MAML2: variants seen among roughly 807,000 people sequenced by gnomAD.
MAML2 encodes the protein mastermind-like protein 2.
Under a neutral mutation model 96.1 loss-of-function variants are expected in MAML2, and 22 were observed. The observed-to-expected ratio is 0.23, with a 90% CI of 0.16 to 0.33. The LOEUF (loss-of-function observed/expected upper bound fraction) is 0.33, where lower values mean the gene tolerates loss of function less well. Among genes scored for constraint, MAML2 ranks in the 10% least tolerant of loss-of-function variants. MAML2 has a pLI of 1.00. For missense variants in MAML2, 1,367 were observed against 1,392.4 expected, an observed-to-expected ratio of 0.98 and a Z score of 0.29; for synonymous variants, 561 against 521.3, an observed-to-expected ratio of 1.08 and a Z score of -1.04.
In MAML2 at chr11:96,342,265, A is replaced by G. The variant is rs1330494109; in HGVS notation, c.-370T>C. ...AACACACGATCTGGGGGTTAGATCA[A>G]GAATTCAGGGATTGTCCAGCAAGAG... On this transcript the variant is annotated 5_prime_UTR_variant, in exon 1 of 5. Coordinates refer to ENST00000524717, the MANE Select transcript of MAML2 (RefSeq NM_032427.4). The G allele has an allele frequency of 2.3e-6, 1 of 436,282 alleles. No homozygotes were observed. The highest frequency in any genetic ancestry group is 3.3e-5 in the East Asian group (1 of 30,658). The allele number at this position is 436,282 out of a possible 1,614,324, so 27.0% of individuals were successfully genotyped here.
chr11:96,092,219 CTGCTGCT>C lies in MAML2; in HGVS notation c.1805_1811del (p.Gln602ArgfsTer77), dbSNP rs1859729357. 1.6e-4 allele frequency: 8 copies of C among 51,132 alleles called. No individual in the cohort carries two copies. The African/African-American group carries it at 1.6e-3, about 10-fold the overall frequency. The allele number at this position is 51,132 out of a possible 1,614,324, so 3.2% of individuals were successfully genotyped here. A position where few individuals can be genotyped will look rare whatever the true frequency, so the allele number is the denominator to read the frequency against. On this transcript the variant is annotated frameshift_variant, in exon 2 of 5. Coordinates refer to ENST00000524717, the MANE Select transcript of MAML2 (RefSeq NM_032427.4). LOFTEE classifies it high-confidence loss of function. The surrounding 1 kb of genome is among the most constrained non-coding windows in gnomAD (Gnocchi z 4.1). ...GCTGCTGCTGCTGCTGTTGCTGCTG[CTGCTGCT>C]GCTGCTGCTGCTGCTGCTGCTGCTG...
At chr11:96,103,920 A>G (rs1939471) in intron 1 of MAML2, among the ~76,000 whole-genome samples, 55,336 of 152,036 alleles carry the variant, frequency 0.36, 11,191 homozygotes, top group East Asian at 0.76. Flanking sequence ...TTTCCGTTTC[A>G]GATGCAGGCC....
chr11:96,077,119 C>T (rs1408606406), intron 2 of MAML2, among the ~76,000 whole-genome samples: 1 of 151,122 alleles, frequency 6.6e-6, no homozygotes, highest in Non-Finnish European at 1.5e-5. Flanking sequence ...TATCTTTATA[C>T]AGCAGAAGAG....
Position 96,341,739 on chromosome 11 carries a change from T to A in MAML2, c.157A>T (p.Ser53Cys). Residue 53 changes from serine to cysteine, a missense_variant, in exon 1 of 5, where the codon AGC (serine) becomes TGC (cysteine). Physicochemically the swap from Ser to Cys is moderately radical, Grantham distance 112 (BLOSUM62 -1). Transcript: ENST00000524717. ...CCTCGTTCATATCGTCCTTCACAGC[T>A]CAGGTGGTGTTGGCGGCAGACAGCG... ...RIAVCRQHHL[S>C]CEGRYERGRA... 6.2e-7 allele frequency: 1 copy of A among 1,613,100 alleles called. No individual in the cohort carries two copies. Among genetic ancestry groups the A allele is most frequent in the Non-Finnish European group, 8.5e-7 (1 of 1,179,686 alleles).
chr11:96,152,909 GA>G (rs1245912246), intron 1 of MAML2, among the ~76,000 whole-genome samples: 1 of 152,210 alleles, frequency 6.6e-6, no homozygotes, highest in Non-Finnish European at 1.5e-5. Flanking sequence ...GCAAGCAAGG[GA>G]AATGCTCCAT....
At chr11:96,211,263 T>C (rs1861966900) in intron 1 of MAML2, among the ~76,000 whole-genome samples, 1 of 152,142 alleles carries the variant, frequency 6.6e-6, no homozygotes, top group Non-Finnish European at 1.5e-5. Flanking sequence ...AATTAGTTTA[T>C]GGGGTGTTAG....
At chr11:96,236,557 A>G (rs1295765377) in intron 1 of MAML2, among the ~76,000 whole-genome samples, 1 of 152,188 alleles carries the variant, frequency 6.6e-6, no homozygotes, top group African/African-American at 2.4e-5. Context: ...GGAGACTTTG[A>G]ATAGAAATAT....
intron 2 of MAML2, among the ~76,000 whole-genome samples, chr11:96,002,755 GGAGGATGAT>G (rs1565186418): frequency 8.8e-4 from 125 of 142,788 alleles, no homozygotes; most frequent in East Asian, 5.4e-3. Context: ...GGGATGATGA[GGAGGATGAT>G]GAGGATGATG....
intron 2 of MAML2, among the ~76,000 whole-genome samples, chr11:96,049,443 A>G (rs1010367562): frequency 1.3e-5 from 2 of 152,250 alleles, no homozygotes; most frequent in African/African-American, 4.8e-5. Context: ...GAAACATGGA[A>G]TCTGTTCCCA....
At chr11:96,168,197 AGTAACTATAAAGTT>A (rs747811894) in intron 1 of MAML2, among the ~76,000 whole-genome samples, 22 of 152,206 alleles carry the variant, frequency 1.4e-4, no homozygotes, top group Non-Finnish European at 3.2e-4. Flanking sequence ...ATATAACAGT[AGTAACTATAAAGTT>A]GTAAGGATCA....
intron 1 of MAML2, among the ~76,000 whole-genome samples, chr11:96,208,256 A>G (rs1188394156): frequency 6.6e-6 from 1 of 152,172 alleles, no homozygotes; most frequent in Non-Finnish European, 1.5e-5. Context: ...AAAATACATC[A>G]CCTCCTAGCT....
chr11:96,092,042 C>T lies in MAML2; in HGVS notation c.1989G>A (p.Gln663=), dbSNP rs547023702. 1.7e-4 allele frequency: 256 copies of T among 1,535,970 alleles called. 2 individuals are homozygous for T. In the South Asian group the frequency reaches 1.9e-3, roughly 11 times the overall value. The part of the protein sequence containing the change: ...QQQQQQQQQQ[Q]QQPSSQPAQS... ...GGGCAGGCTGAGAAGATGGTTGTTG[C>T]TGCTGCTGCTGCTGCTGTTGTTGCT... The change falls in exon 2 of 5, where the codon CAG becomes CAA. Residue 663 remains glutamine, a synonymous_variant. Coordinates refer to ENST00000524717, the MANE Select transcript of MAML2 (RefSeq NM_032427.4). The surrounding 1 kb of genome is among the most constrained non-coding windows in gnomAD (Gnocchi z 4.1).
At chr11:96,288,668 A>G (rs1001628058) in intron 1 of MAML2, among the ~76,000 whole-genome samples, 1 of 152,146 alleles carries the variant, frequency 6.6e-6, no homozygotes, top group African/African-American at 2.4e-5. Context: ...ATTAATTCTG[A>G]CTCTTCATTA....
At chr11:96,180,419 G>A (rs749344798) in intron 1 of MAML2, among the ~76,000 whole-genome samples, 2 of 152,190 alleles carry the variant, frequency 1.3e-5, no homozygotes, top group Non-Finnish European at 2.9e-5. Context: ...CTCTTTTTCA[G>A]GATGCTTATG....
At chr11:96,142,555 C>T (rs1000153709) in intron 1 of MAML2, among the ~76,000 whole-genome samples, 1 of 152,198 alleles carries the variant, frequency 6.6e-6, no homozygotes, top group Non-Finnish European at 1.5e-5. Flanking sequence ...TTCTCTGCAG[C>T]ACCTCACCAG....
At position 96,092,650 on chromosome 11, in the gene MAML2, A is replaced by G; in HGVS notation, c.1381T>C (p.Trp461Arg). ...QHQQQHQPTN[W>R]SALPSSAGPS... is the part of the protein sequence containing the mutation. ...CCAGCAGAAGAGGGCAAGGCTGACC[A>G]GTTGGTAGGCTGGTGCTGCTGCTGG... The change falls in exon 2 of 5, where the codon TGG becomes CGG. Residue 461 changes from tryptophan (W) to arginine (R), a missense_variant. Transcript: ENST00000524717. The surrounding 1 kb of genome is among the most constrained non-coding windows in gnomAD (Gnocchi z 4.1). 6.2e-7 allele frequency: 1 copy of G among 1,613,220 alleles called. No individual in the cohort carries two copies. Among genetic ancestry groups the G allele is most frequent in the Non-Finnish European group, 8.5e-7 (1 of 1,179,670 alleles).
chr11:96,062,238 A>G (rs950873074), intron 2 of MAML2, among the ~76,000 whole-genome samples: 1 of 152,180 alleles, frequency 6.6e-6, no homozygotes, highest in Non-Finnish European at 1.5e-5. Flanking sequence ...GGCATTTATA[A>G]TAAGTGCCTC....
intron 1 of MAML2, among the ~76,000 whole-genome samples, chr11:96,299,112 C>A (rs1426806865): frequency 1.5e-5 from 2 of 130,744 alleles, no homozygotes; most frequent in African/African-American, 2.9e-5. Flanking sequence ...TAACACAAAG[C>A]CAAGTTGGTA....
chr11:96,141,461 G>T (rs1411570410), intron 1 of MAML2, among the ~76,000 whole-genome samples: 2 of 152,102 alleles, frequency 1.3e-5, no homozygotes, highest in Non-Finnish European at 2.9e-5. Context: ...CCCCAGTTGT[G>T]CTTACCCTGA....
Sources: gnomAD v4.1 joint callset for allele counts (sites outside exome capture counted in the v4.1 genomes callset) on GRCh38, gnomAD v4.1.1 for gene constraint, Gnocchi (gnomAD v3.1) non-coding constraint, MANE v1.5 for transcripts, NCBI Gene and HGNC (gene_info 2026-07-23, HGNC 2026-07-21) for gene names.